Variants in PDGFA observed in about 807,000 individuals in gnomAD.
The protein encoded by PDGFA is platelet derived growth factor subunit A.
PDGFA carries 9 observed loss-of-function variants against 25.6 expected under a neutral mutation model. The observed-to-expected ratio is 0.35, with a 90% CI of 0.21 to 0.61. PDGFA has a LOEUF of 0.61. Ranked by LOEUF, PDGFA falls within the 20% of genes least tolerant of loss-of-function variation. PDGFA has a pLI of 0.75. For missense variants in PDGFA, 242 were observed against 272.8 expected, an observed-to-expected ratio of 0.89 and a Z score of 0.79; for synonymous variants, 133 against 111.8, an observed-to-expected ratio of 1.19 and a Z score of -1.20.
chr7:520,019 G>A, upstream of PDGFA: 1 of 386,448 alleles, frequency 2.6e-6, no homozygotes, highest in Non-Finnish European at 5.1e-6. Context: ...CGCCGCGGCA[G>A]GGAGCACACA....
chr7:520,124 G>A (rs897610998), upstream of PDGFA: 16 of 378,144 alleles, frequency 4.2e-5, no homozygotes, highest in Non-Finnish European at 7.4e-5. Flanking sequence ...ACCCTCCAGT[G>A]CCAGCTGCAA....
At chr7:508,989 G>T (rs574330901) in intron 4 of PDGFA, among the ~76,000 whole-genome samples, 1 of 152,260 alleles carries the variant, frequency 6.6e-6, no homozygotes, top group Non-Finnish European at 1.5e-5. Flanking sequence ...AGGAAAATGA[G>T]GCCAGAGAGG....
chr7:499,729 C>A lies in PDGFA; in HGVS notation c.581-1155G>T, dbSNP rs1298114004. The stretch of plus-strand genomic sequence containing the variant: ...GGTGTTATTTTGCCCTTCCCCCCCC[C>A]CCCCGCTCACTCCTTCTTCCAGCCT... On this transcript the variant is annotated intron_variant, in intron 5 of 5. Transcript: ENST00000402802. Among the ~76,000 whole-genome samples the A allele has an allele frequency of 5.5e-5, 5 of 90,836 alleles. 2 individuals carry two copies. The highest frequency in any genetic ancestry group is 4.6e-4 in the Admixed American group (5 of 10,878). 59.6% of individuals were successfully genotyped at this position (90,836 alleles called of 152,430 possible). A position where few individuals can be genotyped will look rare whatever the true frequency, so the allele number is the denominator to read the frequency against.
At chr7:508,374 T>A (rs1782655483) in intron 4 of PDGFA, among the ~76,000 whole-genome samples, 1 of 151,672 alleles carries the variant, frequency 6.6e-6, no homozygotes, top group South Asian at 2.1e-4. Flanking sequence ...CAGAGCAGGC[T>A]GGGCAACACA....
At chr7:501,264 GGC>G (rs1782325360) in intron 4 of PDGFA, 22 bp from the exon 5 acceptor site, 2 of 1,613,340 alleles carry the variant, frequency 1.2e-6, no homozygotes, top group African/African-American at 2.7e-5. Flanking sequence ...AACAGAGCCC[GGC>G]CATGAATGCC....
At chr7:518,778 A>C (rs1349774337) in intron 1 of PDGFA, among the ~76,000 whole-genome samples, 161 bp downstream of exon 1, 1 of 152,162 alleles carries the variant, frequency 6.6e-6, no homozygotes, top group Non-Finnish European at 1.5e-5. Context: ...CCCCACACAC[A>C]CTTAGGCATG....
At chr7:514,288 C>T (rs111607506) in intron 2 of PDGFA, among the ~76,000 whole-genome samples, 12,916 of 152,246 alleles carry the variant, frequency 0.085, 689 homozygotes, top group Middle Eastern at 0.19. Flanking sequence ...GCACAGTCCC[C>T]GTGCCCCGCC....
exon 6 of PDGFA, chr7:497,448 T>C (rs1048393675): frequency 2.0e-5 from 3 of 152,084 alleles, no homozygotes; most frequent in African/African-American, 7.2e-5. Flanking sequence ...AGAATTTGGG[T>C]TCTGTCCAAA....
chr7:500,058 C>T lies in PDGFA; in HGVS notation c.580+1058G>A, dbSNP rs914390494. On this transcript the variant is annotated intron_variant, in intron 5 of 5. Coordinates refer to ENST00000402802, the Ensembl canonical transcript of PDGFA. The surrounding 1 kb of genome is among the most constrained non-coding windows in gnomAD (Gnocchi z 5.0). Reference sequence around the variant, plus strand: ...GTCCTTATCTGTAATCTCAGTTAAGCCTCAGTTTTTTCATCTGTCAAATGG... The same window carrying T: ...GTCCTTATCTGTAATCTCAGTTAAGTCTCAGTTTTTTCATCTGTCAAATGG... Among the ~76,000 whole-genome samples, 1 of 152,176 alleles carries T rather than the reference C, an allele frequency of 6.6e-6. No individual in the cohort carries two copies. The highest frequency in any genetic ancestry group is 1.5e-5 in the Non-Finnish European group (1 of 68,040).
exon 6 of PDGFA, chr7:497,959 C>CAAAAAAAAAA (rs1166606050): frequency 1.8e-5 from 1 of 56,688 alleles, no homozygotes. Flanking sequence ...AAAAAAAAAA[C>CAAAAAAAAAA]AAAAAAAAAA....
chr7:500,526 G>T lies in PDGFA; in HGVS notation c.580+590C>A, dbSNP rs199701869. The T allele has an allele frequency of 7.9e-5, 128 of 1,613,794 alleles. No individual in the cohort carries two copies. Among genetic ancestry groups the T allele is most frequent in the Admixed American group, 4.0e-4 (24 of 60,022 alleles). ...TGTTAACAAAAGGGCAGGGCGGTGA[G>T]TGGGCCGAGGGACGGCCGTCGGGGT... is the stretch of plus-strand genomic sequence containing the variant. On this transcript the variant is annotated intron_variant, in intron 5 of 5. Coordinates refer to ENST00000402802, the Ensembl canonical transcript of PDGFA. The surrounding 1 kb of genome is among the most constrained non-coding windows in gnomAD (Gnocchi z 5.0).
At chr7:511,037 C>G (rs758471047) in intron 3 of PDGFA, 41 bp from the exon 4 acceptor site, 8 of 1,530,342 alleles carry the variant, frequency 5.2e-6, no homozygotes, top group Non-Finnish European at 6.3e-6. Context: ...CCGGCCTCTG[C>G]GACCACGGCC....
rs749196481 is a variant in PDGFA, at chr7:500,956, C to T, written c.580+160G>A. ...CTGCAGGTGTGGGATCCGTCTCCCC[C>T]GCAGGCATCTGGCCCGGGAGCAGGG... On this transcript the variant is annotated intron_variant, in intron 5 of 5. Coordinates refer to ENST00000402802, the Ensembl canonical transcript of PDGFA. The surrounding 1 kb of genome is among the most constrained non-coding windows in gnomAD (Gnocchi z 5.0). 12 of 1,595,738 alleles carry T rather than the reference C, an allele frequency of 7.5e-6. No individual in the cohort carries two copies. Among genetic ancestry groups the T allele is most frequent in the African/African-American group, 1.3e-5 (1 of 74,876 alleles).
chr7:497,807 C>T (rs1782111481), exon 6 of PDGFA: 1 of 141,092 alleles, frequency 7.1e-6, no homozygotes, highest in Admixed American at 7.4e-5. Flanking sequence ...AATACCGTCG[C>T]ACTGTCCTGA....
chr7:518,650 C>T (rs1408848150), intron 1 of PDGFA: 6 of 370,800 alleles, frequency 1.6e-5, no homozygotes, highest in Non-Finnish European at 2.4e-5. Flanking sequence ...GCCCGCTGCG[C>T]CCCAGCTCCC....
chr7:518,879 C>T, intron 1 of PDGFA, 60 bp downstream of exon 1: 1 of 1,194,180 alleles, frequency 8.4e-7, no homozygotes, highest in Non-Finnish European at 1.1e-6. Context: ...GCGCCCCAGC[C>T]GGCGGGGGGT....
chr7:511,330 T>G (rs1583152968), intron 3 of PDGFA, among the ~76,000 whole-genome samples: 1 of 73,642 alleles, frequency 1.4e-5, no homozygotes, highest in Non-Finnish European at 2.2e-5. Flanking sequence ...GGCCAGAGAC[T>G]GGGGGTGGGG....
intron 1 of PDGFA, among the ~76,000 whole-genome samples, 166 bp downstream of exon 1, chr7:518,773 C>T (rs116173908): frequency 0.021 from 3,233 of 152,334 alleles, 127 homozygotes; most frequent in African/African-American, 0.074. Flanking sequence ...AAACTCCCCA[C>T]ACACACTTAG....
rs768119293 is a variant in PDGFA, at chr7:501,313, C to T, written c.454-71G>A. The T allele has an allele frequency of 4.7e-5, 75 of 1,593,844 alleles. No individual in the cohort carries two copies. Among genetic ancestry groups the T allele is most frequent in the Non-Finnish European group, 5.8e-5 (68 of 1,167,842 alleles). On this transcript the variant is annotated intron_variant, in intron 4 of 5. Coordinates refer to ENST00000402802, the Ensembl canonical transcript of PDGFA. ...TCGGACATCACGACGTGCTGGGAGCCGGGGACAGGCTGAGAGGGAGGAGAG... is the reference window on the plus strand; with the variant it reads ...TCGGACATCACGACGTGCTGGGAGCTGGGGACAGGCTGAGAGGGAGGAGAG...
Sources: allele counts gnomAD v4.1 joint callset (sites outside exome capture counted in the v4.1 genomes callset), GRCh38; gene constraint gnomAD v4.1.1; non-coding constraint Gnocchi (gnomAD v3.1); transcripts MANE v1.5; gene names NCBI Gene and HGNC (gene_info 2026-07-23, HGNC 2026-07-21).